ALK: variants seen among roughly 807,000 people sequenced by gnomAD.
The protein encoded by ALK is ALK receptor tyrosine kinase.
ALK carries 74 observed loss-of-function variants against 163.1 expected under a neutral mutation model. That is an observed-to-expected ratio of 0.45 (90% CI 0.38 to 0.55). ALK has a LOEUF of 0.55. Ranked by LOEUF, ALK falls within the 20% of genes least tolerant of loss-of-function variation. ALK has a pLI of 0.00. For synonymous variants in ALK, 960 were observed against 843.2 expected (o/e 1.14, Z -2.40); for missense variants, 2,063 against 2,105.3 (o/e 0.98, Z 0.39).
intron 4 of ALK, among the ~76,000 whole-genome samples, chr2:29,476,615 C>CG (rs1186964028): frequency 6.6e-6 from 1 of 151,870 alleles, no homozygotes; most frequent in Non-Finnish European, 1.5e-5. Context: ...CCCTGAGACC[C>CG]GGGGGAGTTT....
At chr2:29,812,211 G>A (rs977162415) in intron 1 of ALK, among the ~76,000 whole-genome samples, 6 of 152,164 alleles carry the variant, frequency 3.9e-5, no homozygotes, top group Non-Finnish European at 5.9e-5. Context: ...ACAAAGCCAA[G>A]CACACAGCAT....
chr2:29,552,274 T>G (rs892021768), intron 3 of ALK, among the ~76,000 whole-genome samples: 2 of 152,238 alleles, frequency 1.3e-5, no homozygotes, highest in Non-Finnish European at 2.9e-5. Flanking sequence ...GGGTTATTTC[T>G]ATCTTTTGAC....
At chr2:29,777,707 CA>C (rs1468740802) in intron 1 of ALK, among the ~76,000 whole-genome samples, 1 of 152,186 alleles carries the variant, frequency 6.6e-6, no homozygotes, top group Non-Finnish European at 1.5e-5. Flanking sequence ...TGTTCAAATG[CA>C]GATTTGAACT....
At chr2:29,205,148 A>T (rs1261373197) in intron 26 of ALK, among the ~76,000 whole-genome samples, 1 of 152,166 alleles carries the variant, frequency 6.6e-6, no homozygotes, top group Non-Finnish European at 1.5e-5. Flanking sequence ...TATGGTTGCA[A>T]TAGTTTTTCT....
intron 4 of ALK, among the ~76,000 whole-genome samples, chr2:29,506,329 G>A (rs1672320383): frequency 1.3e-5 from 2 of 152,166 alleles, no homozygotes; most frequent in South Asian, 4.1e-4. Context: ...AAGCCAAGGA[G>A]CATAGAATAT....
At chr2:29,242,752 G>A (rs1028892774) in intron 12 of ALK, among the ~76,000 whole-genome samples, 3 of 152,214 alleles carry the variant, frequency 2.0e-5, no homozygotes, top group African/African-American at 7.2e-5. Context: ...CATACAAAGC[G>A]AATTTGAGAA....
chr2:29,697,662 G>T (rs1369909014), intron 2 of ALK, among the ~76,000 whole-genome samples: 2 of 152,184 alleles, frequency 1.3e-5, no homozygotes, highest in African/African-American at 4.8e-5. Flanking sequence ...GATAGATATT[G>T]GACAGACAAT....
intron 3 of ALK, among the ~76,000 whole-genome samples, chr2:29,548,786 TATATC>T (rs1442304847): frequency 2.0e-5 from 3 of 152,208 alleles, no homozygotes; most frequent in Admixed American, 6.5e-5. Context: ...CTTATTTTCT[TATATC>T]TTATCTAAAG....
At chr2:29,606,860 G>C (rs1486279263) in intron 3 of ALK, among the ~76,000 whole-genome samples, 1 of 152,118 alleles carries the variant, frequency 6.6e-6, no homozygotes, top group East Asian at 1.9e-4. Flanking sequence ...TGCAACACTA[G>C]TCCCCTGTCA....
chr2:29,632,900 G>A (rs945002801), intron 3 of ALK, among the ~76,000 whole-genome samples: 1 of 152,152 alleles, frequency 6.6e-6, no homozygotes, highest in Non-Finnish European at 1.5e-5. Flanking sequence ...ACTACCATGA[G>A]AACAGTATGG....
Position 29,275,486 on chromosome 2 carries a change from G to A in ALK, c.1828C>T (p.Gln610Ter). Residue 610 changes from glutamine to a stop codon, truncating the protein, a stop_gained, in exon 10 of 29, where the codon CAG becomes TAG. Transcript: ENST00000389048. LOFTEE classifies it high-confidence loss of function. ...CCTTGTCCCCACCATGCGACCATCTGCAGCCAGAACCTGTACACATCAAGA... is the reference window on the plus strand; with the variant it reads ...CCTTGTCCCCACCATGCGACCATCTACAGCCAGAACCTGTACACATCAAGA... ...LLDVSDRFWL[Q>*]MVAWWGQGSR... The A allele has an allele frequency of 6.2e-7, 1 of 1,614,132 alleles. No individual in the cohort carries two copies. The highest frequency in any genetic ancestry group is 8.5e-7 in the Non-Finnish European group (1 of 1,180,006).
chr2:29,766,968 T>C (rs1024619537), intron 1 of ALK, among the ~76,000 whole-genome samples: 1 of 152,118 alleles, frequency 6.6e-6, no homozygotes, highest in African/African-American at 2.4e-5. Flanking sequence ...ACCTGGCCCC[T>C]CTCTGGAAAA....
At chr2:29,776,228 A>T (rs1279578302) in intron 1 of ALK, among the ~76,000 whole-genome samples, 1 of 3,884 alleles carries the variant, frequency 2.6e-4, no homozygotes, top group African/African-American at 2.8e-4. Flanking sequence ...ATTTTGTTAA[A>T]AAAAAAAAAA....
At chr2:29,880,808 G>C (rs1302987974) in intron 1 of ALK, among the ~76,000 whole-genome samples, 1 of 152,184 alleles carries the variant, frequency 6.6e-6, no homozygotes, top group Admixed American at 6.5e-5. Flanking sequence ...TATAGCCATT[G>C]GCAAGATGGA....
At chr2:29,273,481 T>G (rs1458179850) in intron 11 of ALK, among the ~76,000 whole-genome samples, 1 of 152,204 alleles carries the variant, frequency 6.6e-6, no homozygotes, top group African/African-American at 2.4e-5. Context: ...TTAGTCTGAG[T>G]GGCCATTGGG....
intron 1 of ALK, among the ~76,000 whole-genome samples, chr2:29,752,280 A>G (rs966442864): frequency 2.0e-5 from 3 of 151,782 alleles, no homozygotes; most frequent in African/African-American, 7.3e-5. Context: ...AAGGTAGGCT[A>G]GGCTAGGCTA....
chr2:29,680,414 C>G (rs1007140399), intron 3 of ALK, among the ~76,000 whole-genome samples: 4 of 152,056 alleles, frequency 2.6e-5, no homozygotes, highest in Non-Finnish European at 5.9e-5. Flanking sequence ...TTTATACTGG[C>G]TTGTCTTCAC....
At chr2:29,860,636 A>G (rs1442028258) in intron 1 of ALK, among the ~76,000 whole-genome samples, 2 of 152,306 alleles carry the variant, frequency 1.3e-5, no homozygotes, top group African/African-American at 2.4e-5. Flanking sequence ...CTATGCCACA[A>G]AACAAGTCTT....
At chr2:29,868,473 A>G (rs899550282) in intron 1 of ALK, among the ~76,000 whole-genome samples, 1 of 152,230 alleles carries the variant, frequency 6.6e-6, no homozygotes, top group African/African-American at 2.4e-5. Flanking sequence ...ATTGAAGAAA[A>G]AAACAAAGCA....
Sources: allele counts gnomAD v4.1 joint callset (sites outside exome capture counted in the v4.1 genomes callset), GRCh38; gene constraint gnomAD v4.1.1; transcripts MANE v1.5; gene names NCBI Gene and HGNC (gene_info 2026-07-23, HGNC 2026-07-21).